NPHS1: variants seen among roughly 807,000 people sequenced by gnomAD.
NPHS1 encodes nephrin.
NPHS1 carries 107 observed loss-of-function variants against 139.7 expected under a neutral mutation model. The observed-to-expected ratio is 0.77, with a 90% CI of 0.66 to 0.90. NPHS1 has a LOEUF of 0.90. Among genes scored for constraint, NPHS1 ranks in the 40% least tolerant of loss-of-function variants. The pLI is 0.00. For synonymous variants in NPHS1, 707 were observed against 706.6 expected, an observed-to-expected ratio of 1.00 and a Z score of -0.01; for missense variants, 1,580 against 1,654.2, an observed-to-expected ratio of 0.96 and a Z score of 0.78.
Position 35,848,324 on chromosome 19 carries a change from A to G in NPHS1, c.1244T>C (p.Leu415Pro), listed in dbSNP as rs1318555270. 6.2e-7 allele frequency: 1 copy of G among 1,613,968 alleles called. No individual in the cohort carries two copies. Among genetic ancestry groups the G allele is most frequent in the Non-Finnish European group, 8.5e-7 (1 of 1,180,010 alleles). The change falls in exon 10 of 29, where the codon CTC (leucine) becomes CCC (proline). Residue 415 changes from leucine to proline, a missense_variant. Physicochemically the swap from Leu to Pro is moderately conservative, Grantham distance 98 (BLOSUM62 -3). Coordinates refer to ENST00000378910, the MANE Select transcript of NPHS1 (RefSeq NM_004646.4). ...GGCTTCACTGAAGGCCTCACATGTG[A>G]GGGTCAGACCGTTGTCCTCCCGCCG... ...LARREDNGLT[L>P]TCEAFSEAFT... is the part of the protein sequence containing the mutation.
chr19:35,849,848 A>G (rs1306160115), intron 5 of NPHS1, among the ~76,000 whole-genome samples, 195 bp from the exon 6 acceptor site: 1 of 152,156 alleles, frequency 6.6e-6, no homozygotes, highest in Non-Finnish European at 1.5e-5. Context: ...AGAGCCCCAC[A>G]TCTGACCAAA....
At chr19:35,850,585 C>G (rs1181827329) in intron 4 of NPHS1, 140 bp from the exon 5 acceptor site, 3 of 776,728 alleles carry the variant, frequency 3.9e-6, no homozygotes, top group Non-Finnish European at 6.7e-6. Context: ...GGCAGAGCTG[C>G]ATCCCCTCCC....
rs73928331 is a variant in NPHS1, at chr19:35,851,918, G to A, written c.-81C>T. 1.7e-6 allele frequency: 2 copies of A among 1,200,988 alleles called. No individual in the cohort carries two copies. Among genetic ancestry groups the A allele is most frequent in the Non-Finnish European group, 1.2e-6 (1 of 828,914 alleles). The allele number at this position is 1,200,988 out of a possible 1,614,324, so 74.4% of individuals were successfully genotyped here. The stretch of plus-strand genomic sequence containing the variant: ...TCTGGCTTTCTCTGGGTCCCTCTCT[G>A]TGTGTCTCTGCCACCTGCTTTTCTT... On this transcript the variant is annotated 5_prime_UTR_variant, in exon 1 of 29. Transcript: ENST00000378910.
chr19:35,834,995 C>T (rs373967185), intron 23 of NPHS1, among the ~76,000 whole-genome samples: 5 of 151,360 alleles, frequency 3.3e-5, no homozygotes, highest in African/African-American at 9.7e-5. Flanking sequence ...GTCGGGAGTT[C>T]GAGACCAGCC....
chr19:35,826,819 C>A (rs562288941), intron 28 of NPHS1, among the ~76,000 whole-genome samples, 174 bp from the exon 29 acceptor site: 2 of 152,264 alleles, frequency 1.3e-5, no homozygotes, highest in South Asian at 4.1e-4. Flanking sequence ...TTATGATGAA[C>A]CCCATGTGCT....
At position 35,831,456 on chromosome 19, in the gene NPHS1, A is replaced by G. The variant is rs1972882713; in HGVS notation, c.3311+20T>C. Reference sequence around the variant, plus strand: ...AAACCTCCCTCAGAGCCTTCTTTACAGAAAAATATCCCCACTTACCCTGCC... The same window carrying G: ...AAACCTCCCTCAGAGCCTTCTTTACGGAAAAATATCCCCACTTACCCTGCC... On this transcript the variant is annotated intron_variant, in intron 25 of 28. Coordinates refer to ENST00000378910, the MANE Select transcript of NPHS1 (RefSeq NM_004646.4). 6.2e-7 allele frequency: 1 copy of G among 1,613,304 alleles called. No homozygotes were observed. Among genetic ancestry groups the G allele is most frequent in the Non-Finnish European group, 8.5e-7 (1 of 1,179,738 alleles).
rs1384192086 is a variant in NPHS1 at position 35,851,101 on chromosome 19, AGGGTCTG to A, written c.398-19_398-13del. The A allele has an allele frequency of 4.3e-6, 7 of 1,613,992 alleles. No individual in the cohort carries two copies. The highest frequency in any genetic ancestry group is 1.3e-5 in the African/African-American group (1 of 74,922). ...CAGCTTGGGAGGAACTGGTGAGAGA[AGGGTCTG>A]GGGTAAGCTTCCAGCACTGAGAAGG... On this transcript the variant is annotated splice_polypyrimidine_tract_variant and intron_variant, in intron 3 of 28. Transcript: ENST00000378910.
In NPHS1 at chr19:35,851,282, C is replaced by A; in HGVS notation, c.377G>T (p.Arg126Ile). 6.2e-7 allele frequency: 1 copy of A among 1,614,026 alleles called. No individual in the cohort carries two copies. The highest frequency in any genetic ancestry group is 8.5e-7 in the Non-Finnish European group (1 of 1,179,942). The change falls in exon 3 of 29, where the codon AGA becomes ATA. Residue 126 changes from arginine (R) to isoleucine (I), a missense_variant. Arg to Ile is a moderately conservative substitution (Grantham distance 97). Coordinates refer to ENST00000378910, the MANE Select transcript of NPHS1 (RefSeq NM_004646.4). Reference sequence around the variant, plus strand: ...CATACCCAGGATGGAGAGGATCACTCTGGGAGACACGAGCTCGGGCCCCAT... The same window carrying A: ...CATACCCAGGATGGAGAGGATCACTATGGGAGACACGAGCTCGGGCCCCAT... ...SEMGPELVSP[R>I]VILSILVPPK...
intron 22 of NPHS1, among the ~76,000 whole-genome samples, chr19:35,836,557 G>A (rs183188416): frequency 9.5e-4 from 144 of 152,230 alleles, no homozygotes; most frequent in African/African-American, 3.4e-3. Flanking sequence ...AGCAAAGGAG[G>A]CAAGTGTCAT....
At chr19:35,829,140 C>T (rs1972839461) in intron 28 of NPHS1, among the ~76,000 whole-genome samples, 1 of 152,226 alleles carries the variant, frequency 6.6e-6, no homozygotes, top group African/African-American at 2.4e-5. Flanking sequence ...CTACTCTCAG[C>T]CCAGTGACCT....
chr19:35,850,805 A>G (rs1405421126), intron 4 of NPHS1, among the ~76,000 whole-genome samples, 156 bp downstream of exon 4: 2 of 152,004 alleles, frequency 1.3e-5, no homozygotes, highest in Non-Finnish European at 2.9e-5. Context: ...TGGGTCCCAC[A>G]CTGGCCTCAG....
Position 35,837,223 on chromosome 19 carries a change from C to T in NPHS1, c.3110-1462G>A, listed in dbSNP as rs575768306. On this transcript the variant is annotated intron_variant, in intron 22 of 28. Coordinates refer to ENST00000378910, the MANE Select transcript of NPHS1 (RefSeq NM_004646.4). ...AAGGATTTACCACTACAATACTGTG[C>T]CTATCAGAATTGTAACATATTCATC... 3.9e-5 allele frequency among the ~76,000 whole-genome samples: 6 copies of T among 152,224 alleles called. No individual in the cohort carries two copies. The East Asian group carries it at 1.2e-3, about 29-fold the overall frequency.
chr19:35,841,372 T>TCAACAACAA (rs150955536), intron 20 of NPHS1, among the ~76,000 whole-genome samples: 4 of 151,402 alleles, frequency 2.6e-5, no homozygotes, highest in African/African-American at 7.3e-5. Context: ...AATCTCCATT[T>TCAACAACAA]CAACAACAAC....
chr19:35,831,791 TC>T, intron 23 of NPHS1, 29 bp from the exon 24 acceptor site: 1 of 1,551,574 alleles, frequency 6.4e-7, no homozygotes. Context: ...CCTCAGTGAA[TC>T]CCAGACAACA....
chr19:35,847,136 C>G (rs989402232), intron 11 of NPHS1, among the ~76,000 whole-genome samples: 3 of 152,058 alleles, frequency 2.0e-5, no homozygotes, highest in Non-Finnish European at 4.4e-5. Context: ...AGCTCCGCCT[C>G]CCGGGTTCAC....
chr19:35,851,818 A>G lies in NPHS1; in HGVS notation c.20T>C (p.Leu7Pro). Residue 7 changes from leucine to proline, a missense_variant, in exon 1 of 29, where the codon CTC becomes CCC. Physicochemically the swap from Leu to Pro is moderately conservative, Grantham distance 98. Transcript: ENST00000378910. ...CCCCAGGAGCAGGAGAGAAGCCCTG[A>G]GCGTCGTCCCCAGGGCCATCACAGG... Reference protein sequence around the residue: MALGTTLRASLLLLGLL... With the variant: MALGTTPRASLLLLGLL... 6.4e-7 allele frequency: 1 copy of G among 1,552,318 alleles called. No homozygotes were observed. Among genetic ancestry groups the G allele is most frequent in the Non-Finnish European group, 8.7e-7 (1 of 1,147,512 alleles).
chr19:35,848,896 A>G, intron 8 of NPHS1, 80 bp downstream of exon 8: 1 of 1,610,278 alleles, frequency 6.2e-7, no homozygotes. Flanking sequence ...TTTGGCATCC[A>G]GTAGGCATAA....
Position 35,830,694 on chromosome 19 carries a change from C to A in NPHS1, c.3594+150G>T. ...AAAGTGTTGGGATTACAGGCATGGA[C>A]CATCATGCCCAGCCGACTGTCTTTA... is the stretch of plus-strand genomic sequence containing the variant. On this transcript the variant is annotated intron_variant, in intron 28 of 28. Coordinates refer to ENST00000378910, the MANE Select transcript of NPHS1 (RefSeq NM_004646.4). The A allele has an allele frequency of 8.4e-6, 6 of 716,730 alleles. No individual in the cohort carries two copies. In the South Asian group the frequency reaches 8.9e-5, roughly 11 times the overall value. 44.4% of individuals were successfully genotyped at this position (716,730 alleles called of 1,614,324 possible). A position where few individuals can be genotyped will look rare whatever the true frequency, so the allele number is the denominator to read the frequency against.
intron 23 of NPHS1, among the ~76,000 whole-genome samples, chr19:35,832,153 A>G (rs1321218201): frequency 6.6e-6 from 1 of 152,222 alleles, no homozygotes; most frequent in Non-Finnish European, 1.5e-5. Context: ...TGTTTCCAGA[A>G]TCACTGAAGC....
Sources: gnomAD v4.1 joint callset for allele counts (sites outside exome capture counted in the v4.1 genomes callset) on GRCh38, gnomAD v4.1.1 for gene constraint, MANE v1.5 for transcripts, NCBI Gene and HGNC (gene_info 2026-07-23, HGNC 2026-07-21) for gene names.